Variants in HECTD4 observed in about 807,000 individuals in gnomAD.
The protein encoded by HECTD4 is HECT domain E3 ubiquitin protein ligase 4, also known as probable E3 ubiquitin-protein ligase HECTD4.
In HECTD4, 114 loss-of-function variants were observed where a neutral mutation model predicts 471.5. The ratio of observed to expected loss-of-function variants is 0.24; its 90% CI spans 0.21 to 0.28. The LOEUF (loss-of-function observed/expected upper bound fraction) is 0.28. Ranked by LOEUF, HECTD4 falls within the 10% of genes least tolerant of loss-of-function variation. HECTD4 has a pLI of 1.00. For synonymous variants in HECTD4, 2,012 were observed against 2,256.0 expected, an observed-to-expected ratio of 0.89 and a Z score of 3.07; for missense variants, 3,866 against 5,651.5, an observed-to-expected ratio of 0.68 and a Z score of 10.13.
chr12:112,249,353 C>CAA (rs766001113), intron 25 of HECTD4, among the ~76,000 whole-genome samples: 12 of 90,440 alleles, frequency 1.3e-4, no homozygotes, highest in Admixed American at 3.6e-4. Context: ...GACTCCCTCT[C>CAA]AAAAAAAAAA....
chr12:112,168,658 G>A (rs922891629), intron 70 of HECTD4, among the ~76,000 whole-genome samples: 1 of 152,196 alleles, frequency 6.6e-6, no homozygotes, highest in Non-Finnish European at 1.5e-5. Context: ...AAGCAGGAGC[G>A]TCCTGACTGC....
chr12:112,166,940 G>A lies in HECTD4; in HGVS notation c.12534+377C>T. 5.7e-6 allele frequency: 1 copy of A among 174,246 alleles called. No individual in the cohort carries two copies. The highest frequency in any genetic ancestry group is 1.2e-5 in the Non-Finnish European group (1 of 83,264). The allele number at this position is 174,246 out of a possible 1,614,324, so 10.8% of individuals were successfully genotyped here. On this transcript the variant is annotated intron_variant, in intron 72 of 75. Coordinates refer to ENST00000682272, the MANE Select transcript of HECTD4 (RefSeq NM_001388303.1). This position sits in a 1 kb window ranked among gnomAD's most constrained non-coding sequence, Gnocchi z 4.6. ...ATGCCTCCCCCTTGGTGGACCTCAG[G>A]TGGTCCCAGGGCTGACTCCTGTGCT...
intron 60 of HECTD4, among the ~76,000 whole-genome samples, chr12:112,187,665 C>T (rs1185018662): frequency 7.7e-6 from 1 of 129,424 alleles, no homozygotes; most frequent in African/African-American, 3.0e-5. Flanking sequence ...CCCACTCTGT[C>T]GCCCAGGCTG....
chr12:112,235,366 C>G lies in HECTD4; in HGVS notation c.5726-100G>C. ...TGGTTTGGGATTTGGAATCTTTCTT[C>G]CCCCTTCTCTATTCCTGTCCCCGCT... On this transcript the variant is annotated intron_variant, in intron 36 of 75. Coordinates refer to ENST00000682272, the MANE Select transcript of HECTD4 (RefSeq NM_001388303.1). This position sits in a 1 kb window ranked among gnomAD's most constrained non-coding sequence, Gnocchi z 5.0. 6.7e-7 allele frequency: 1 copy of G among 1,489,228 alleles called. No homozygotes were observed. The allele number at this position is 1,489,228 out of a possible 1,614,324, so 92.3% of individuals were successfully genotyped here.
chr12:112,307,857 C>G (rs2035295174), intron 6 of HECTD4, among the ~76,000 whole-genome samples: 1 of 152,214 alleles, frequency 6.6e-6, no homozygotes, highest in Non-Finnish European at 1.5e-5. Flanking sequence ...GTTCAAAGTA[C>G]TGGGCAGAGA....
In HECTD4 at chr12:112,163,582, C is replaced by T. The variant is rs1428279900; in HGVS notation, c.12857G>A (p.Arg4286His). The change falls in exon 74 of 76, where the codon CGC (arginine) becomes CAC (histidine). Residue 4286 changes from arginine to histidine, a missense_variant. Arg to His is a conservative substitution (Grantham distance 29). Around this residue, in one of 16 missense-constraint regions of HECTD4, gnomAD observed 715 missense variants for 1,087.6 expected, o/e 0.66. Coordinates refer to ENST00000682272, the MANE Select transcript of HECTD4 (RefSeq NM_001388303.1). This position sits in a 1 kb window ranked among gnomAD's most constrained non-coding sequence, Gnocchi z 8.2. The stretch of plus-strand genomic sequence containing the variant: ...GTTGATGTAGGGGAGGCCGCAGGTG[C>T]GCAGCTCCATCTCCAGTGGGCTGAG... Reference protein sequence around the residue: ...TMLSPLEMELRTCGLPYINLE... With the variant: ...TMLSPLEMELHTCGLPYINLE... 12 of 1,510,966 alleles carry T rather than the reference C, an allele frequency of 7.9e-6. No individual in the cohort carries two copies. Among genetic ancestry groups the T allele is most frequent in the East Asian group, 2.5e-5 (1 of 40,042 alleles). The allele number at this position is 1,510,966 out of a possible 1,614,324, so 93.6% of individuals were successfully genotyped here.
Position 112,261,442 on chromosome 12 carries a change from T to C in HECTD4, c.2749-13A>G. 1 of 1,588,328 alleles carries C rather than the reference T, an allele frequency of 6.3e-7. No homozygotes were observed. ...TGACTTTTAGCTCCTAGGCAGAAAA[T>C]ATCATCATATTATTTTTAAGCTTTG... On this transcript the variant is annotated splice_polypyrimidine_tract_variant and intron_variant, in intron 17 of 75. Transcript: ENST00000682272.
chr12:112,337,381 T>C (rs903101640), intron 1 of HECTD4, among the ~76,000 whole-genome samples: 33 of 152,194 alleles, frequency 2.2e-4, no homozygotes, highest in African/African-American at 8.0e-4. Context: ...TCAAAATATA[T>C]GCACAAATAT....
Position 112,162,343 on chromosome 12 carries a change from G to A in HECTD4, c.*44C>T, listed in dbSNP as rs771379707. ...GCAGTGGTGGCTTCCCAAGCCAGCA[G>A]AGTGGGTGCCTCAGTGACAGCCTAA... On this transcript the variant is annotated 3_prime_UTR_variant, in exon 76 of 76. Coordinates refer to ENST00000682272, the MANE Select transcript of HECTD4 (RefSeq NM_001388303.1). The surrounding 1 kb of genome is among the most constrained non-coding windows in gnomAD (Gnocchi z 5.2). 14 of 1,612,370 alleles carry A rather than the reference G, an allele frequency of 8.7e-6. No individual in the cohort carries two copies. In the South Asian group the frequency reaches 1.4e-4, roughly 16 times the overall value.
chr12:112,340,711 G>C (rs929640745), intron 1 of HECTD4, among the ~76,000 whole-genome samples: 1 of 152,164 alleles, frequency 6.6e-6, no homozygotes, highest in Non-Finnish European at 1.5e-5. Flanking sequence ...ATTGCCATAT[G>C]ACATTAAGTA....
intron 38 of HECTD4, among the ~76,000 whole-genome samples, 187 bp downstream of exon 38, chr12:112,232,817 T>G (rs2033414123): frequency 6.6e-6 from 1 of 152,222 alleles, no homozygotes; most frequent in African/African-American, 2.4e-5. Flanking sequence ...AGTTTTGATT[T>G]TGACAAACTG....
chr12:112,339,286 G>T (rs866181742), intron 1 of HECTD4, among the ~76,000 whole-genome samples: 18 of 127,752 alleles, frequency 1.4e-4, no homozygotes, highest in African/African-American at 5.4e-4. Flanking sequence ...CAACACACAA[G>T]AATCATGTAA....
chr12:112,363,120 C>T (rs925601254), intron 1 of HECTD4, among the ~76,000 whole-genome samples: 10 of 152,018 alleles, frequency 6.6e-5, no homozygotes, highest in African/African-American at 1.7e-4. Context: ...TTTTATTACG[C>T]TAATCAGTAA....
At chr12:112,306,031 T>C (rs369886352) in intron 7 of HECTD4, 33 bp downstream of exon 7, 58 of 1,568,730 alleles carry the variant, frequency 3.7e-5, no homozygotes, top group Non-Finnish European at 4.7e-5. Context: ...GAAATGTTTC[T>C]GCAAAGATAC....
In HECTD4 at chr12:112,324,045, CCTTTCTTTCTTTCTTT is replaced by C. The variant is rs71083202; in HGVS notation, c.178-4319_178-4304del. Reference sequence around the variant, plus strand: ...TCCTTCCTTCCTTCCTTCCTTCCTTCCTTTCTTTCTTTCTTTCTTTCTTTCTTTCTTTCTTTCTTTC... The same window carrying C: ...TCCTTCCTTCCTTCCTTCCTTCCTTCCTTTCTTTCTTTCTTTCTTTCTTTC... On this transcript the variant is annotated intron_variant, in intron 1 of 75. Transcript: ENST00000682272. Among the ~76,000 whole-genome samples the C allele has an allele frequency of 2.2e-3, 31 of 13,930 alleles. 1 individual carries two copies. The highest frequency in any genetic ancestry group is 6.1e-3 in the South Asian group (2 of 326). 9.1% of individuals were successfully genotyped at this position (13,930 alleles called of 152,430 possible).
chr12:112,187,198 C>T (rs547037362), intron 60 of HECTD4, among the ~76,000 whole-genome samples: 17 of 151,690 alleles, frequency 1.1e-4, no homozygotes, highest in Non-Finnish European at 1.8e-4. Context: ...AGGCTGGTCT[C>T]GAACTCCCGA....
At chr12:112,275,087 T>C in intron 9 of HECTD4, 127 bp from the exon 10 acceptor site, 2 of 594,388 alleles carry the variant, frequency 3.4e-6, no homozygotes, top group Non-Finnish European at 2.9e-6. Context: ...TGGTGGTAAT[T>C]GGTGGTAAAG....
In HECTD4 at chr12:112,203,734, C is replaced by T; in HGVS notation, c.8308G>A (p.Val2770Ile). 6.2e-7 allele frequency: 1 copy of T among 1,612,748 alleles called. No homozygotes were observed. The highest frequency in any genetic ancestry group is 8.5e-7 in the Non-Finnish European group (1 of 1,179,296). Residue 2770 changes from valine to isoleucine, a missense_variant, in exon 54 of 76, where the codon GTA becomes ATA. Val to Ile is a conservative substitution (Grantham distance 29). Coordinates refer to ENST00000682272, the MANE Select transcript of HECTD4 (RefSeq NM_001388303.1). ...VVTRSPDSNN[V>I]ASSAVGTALP... ...GCAGTTCCAACAGCACTGCTGGCTA[C>T]ATTATTGCTGTCTGGAGAGCGGGTT...
rs1466468908 is a variant in HECTD4, at chr12:112,188,027, C to T, written c.9473-2534G>A. 1.3e-5 allele frequency among the ~76,000 whole-genome samples: 2 copies of T among 151,976 alleles called. No individual in the cohort carries two copies. Among genetic ancestry groups the T allele is most frequent in the Non-Finnish European group, 1.5e-5 (1 of 67,982 alleles). ...GCTGGCTGGGCTCAGTGGTTCATGC[C>T]TGTAATCCCAGTACTATGGGAGGCC... On this transcript the variant is annotated intron_variant, in intron 60 of 75. Coordinates refer to ENST00000682272, the MANE Select transcript of HECTD4 (RefSeq NM_001388303.1). The surrounding 1 kb of genome is among the most constrained non-coding windows in gnomAD (Gnocchi z 4.2).
Sources: allele counts gnomAD v4.1 joint callset (sites outside exome capture counted in the v4.1 genomes callset), GRCh38; gene constraint gnomAD v4.1.1; regional missense constraint gnomAD v4.1.1; non-coding constraint Gnocchi (gnomAD v3.1); transcripts MANE v1.5; gene names NCBI Gene and HGNC (gene_info 2026-07-23, HGNC 2026-07-21).